Variants in ZNF407 observed in about 807,000 individuals in gnomAD.
The protein encoded by ZNF407 is zinc finger protein 407.
A neutral mutation model predicts 131.2 loss-of-function variants in ZNF407; 17 were observed. That is an observed-to-expected ratio of 0.13 (90% CI 0.09 to 0.19). ZNF407 has a LOEUF of 0.19. Ranked by LOEUF, ZNF407 falls within the 10% of genes least tolerant of loss-of-function variation. The pLI, the probability that ZNF407 is intolerant of heterozygous loss-of-function variation, is 1.00. For missense variants in ZNF407, 2,681 were observed against 2,830.6 expected, an observed-to-expected ratio of 0.95 and a Z score of 1.20; for synonymous variants, 1,156 against 1,062.0, an observed-to-expected ratio of 1.09 and a Z score of -1.72.
chr18:74,857,791 G>T (rs1054038129), intron 4 of ZNF407, among the ~76,000 whole-genome samples: 3 of 151,836 alleles, frequency 2.0e-5, no homozygotes, highest in Non-Finnish European at 4.4e-5. Flanking sequence ...GATTATATTT[G>T]GTTATATTTT....
At chr18:74,709,218 G>A (rs915652211) in intron 3 of ZNF407, among the ~76,000 whole-genome samples, 1 of 152,136 alleles carries the variant, frequency 6.6e-6, no homozygotes, top group Non-Finnish European at 1.5e-5. Flanking sequence ...ATACGTATCA[G>A]TCTTTTAGGT....
chr18:74,851,475 A>G (rs1970782378), intron 4 of ZNF407, among the ~76,000 whole-genome samples: 1 of 152,178 alleles, frequency 6.6e-6, no homozygotes, highest in Non-Finnish European at 1.5e-5. Flanking sequence ...CATTTGAAGT[A>G]TTTTACATTA....
At chr18:74,709,557 A>G (rs949536924) in intron 3 of ZNF407, among the ~76,000 whole-genome samples, 1 of 152,226 alleles carries the variant, frequency 6.6e-6, no homozygotes, top group Admixed American at 6.5e-5. Flanking sequence ...TTTATCCAGC[A>G]TGGCTAGGCA....
At chr18:74,702,954 T>C (rs1457782833) in intron 3 of ZNF407, among the ~76,000 whole-genome samples, 1 of 152,218 alleles carries the variant, frequency 6.6e-6, no homozygotes, top group East Asian at 1.9e-4. Context: ...CTGGAGCCGA[T>C]GAACATGGGC....
chr18:74,839,727 A>G (rs1286617555), intron 4 of ZNF407, among the ~76,000 whole-genome samples: 1 of 152,196 alleles, frequency 6.6e-6, no homozygotes, highest in Non-Finnish European at 1.5e-5. Flanking sequence ...TCAGGTACCC[A>G]TACTGTAGGT....
At chr18:74,716,959 CA>C in intron 3 of ZNF407, among the ~76,000 whole-genome samples, 1 of 152,082 alleles carries the variant, frequency 6.6e-6, no homozygotes, top group East Asian at 1.9e-4. Context: ...ACTGTAATCG[CA>C]AATATGTGTA....
chr18:74,753,593 T>C (rs920237580), intron 3 of ZNF407, among the ~76,000 whole-genome samples: 1 of 152,240 alleles, frequency 6.6e-6, no homozygotes, highest in South Asian at 2.1e-4. Flanking sequence ...CAAAGGACTT[T>C]TCTGCATCTA....
intron 8 of ZNF407, among the ~76,000 whole-genome samples, chr18:74,932,954 A>C (rs1289531044): frequency 6.6e-6 from 1 of 152,198 alleles, no homozygotes; most frequent in African/African-American, 2.4e-5. Context: ...GCGAATGTAC[A>C]ATAGTGCAGC....
intron 3 of ZNF407, among the ~76,000 whole-genome samples, chr18:74,673,289 A>G (rs1986224310): frequency 6.6e-6 from 1 of 152,156 alleles, no homozygotes; most frequent in Non-Finnish European, 1.5e-5. Flanking sequence ...CACGATTTTA[A>G]CACCAGTAGG....
intron 8 of ZNF407, among the ~76,000 whole-genome samples, chr18:75,045,748 G>A (rs911247755): frequency 6.6e-6 from 1 of 152,126 alleles, no homozygotes; most frequent in Admixed American, 6.5e-5. Context: ...TGAGAGTCTT[G>A]AGTAACGCTG....
chr18:74,785,051 G>T, intron 4 of ZNF407, among the ~76,000 whole-genome samples: 1 of 152,152 alleles, frequency 6.6e-6, no homozygotes, highest in Non-Finnish European at 1.5e-5. Flanking sequence ...ATCTCAAGAA[G>T]GCTGATAAAC....
At chr18:74,910,601 T>C (rs1281413040) in intron 7 of ZNF407, among the ~76,000 whole-genome samples, 1 of 152,188 alleles carries the variant, frequency 6.6e-6, no homozygotes, top group African/African-American at 2.4e-5. Flanking sequence ...CTTTAACTTA[T>C]CACGGAAGAA....
intron 1 of ZNF407, among the ~76,000 whole-genome samples, chr18:74,608,091 T>C (rs902476213): frequency 2.6e-5 from 4 of 152,220 alleles, no homozygotes; most frequent in African/African-American, 9.6e-5. Context: ...GAAATAATTT[T>C]AGAAAAAAGA....
rs1376145452 is a variant in ZNF407 at position 74,634,558 on chromosome 18, C to T, written c.3539C>T (p.Pro1180Leu). 6.2e-7 allele frequency: 1 copy of T among 1,613,796 alleles called. No individual in the cohort carries two copies. Among genetic ancestry groups the T allele is most frequent in the African/African-American group, 1.3e-5 (1 of 75,026 alleles). ...QAPVKDKVRKPEEMMSLTMSS... is the reference protein window; with the variant it reads ...QAPVKDKVRKLEEMMSLTMSS... The stretch of plus-strand genomic sequence containing the variant: ...CCTGTCAAGGATAAAGTTAGGAAAC[C>T]TGAGGAGATGATGTCACTTACTATG... The change falls in exon 2 of 9, where the codon CCT becomes CTT. Residue 1180 changes from proline (P) to leucine (L), a missense_variant. Pro to Leu is a moderately conservative substitution (Grantham distance 98). Transcript: ENST00000299687.
intron 1 of ZNF407, among the ~76,000 whole-genome samples, chr18:74,626,372 A>G (rs535891250): frequency 6.6e-6 from 1 of 152,206 alleles, no homozygotes. Context: ...TATTTACACA[A>G]AAGAATGAAA....
chr18:75,011,691 A>ATGTCTTATTC (rs1568300192), intron 8 of ZNF407, among the ~76,000 whole-genome samples: 1 of 152,176 alleles, frequency 6.6e-6, no homozygotes, highest in African/African-American at 2.4e-5. Flanking sequence ...CAGTATTCTT[A>ATGTCTTATTC]TCATGTCAAA....
At chr18:74,676,336 C>T (rs1309627451) in intron 3 of ZNF407, among the ~76,000 whole-genome samples, 2 of 152,156 alleles carry the variant, frequency 1.3e-5, no homozygotes, top group African/African-American at 4.8e-5. Context: ...AGGCAATCCG[C>T]CTGCCTTCTC....
rs185700920 is a variant in ZNF407, at chr18:75,026,174, C to T, written c.5429-36976C>T. On this transcript the variant is annotated intron_variant, in intron 8 of 8. Coordinates refer to ENST00000299687, the MANE Select transcript of ZNF407 (RefSeq NM_017757.3). The stretch of plus-strand genomic sequence containing the variant: ...GAACTTTTTAATATATTGTAATATA[C>T]GACAGATGCCCAAAAATGTTTACCT... 4.7e-4 allele frequency among the ~76,000 whole-genome samples: 72 copies of T among 152,278 alleles called. No individual in the cohort carries two copies. In the East Asian group the frequency reaches 6.4e-3, roughly 13 times the overall value.
At chr18:74,599,339 T>G (rs1165327262) in intron 1 of ZNF407, among the ~76,000 whole-genome samples, 1 of 152,124 alleles carries the variant, frequency 6.6e-6, no homozygotes, top group African/African-American at 2.4e-5. Flanking sequence ...TCGGAATAAA[T>G]TAAGATTTAC....
Sources: allele counts gnomAD v4.1 joint callset (sites outside exome capture counted in the v4.1 genomes callset), GRCh38; gene constraint gnomAD v4.1.1; transcripts MANE v1.5; gene names NCBI Gene and HGNC (gene_info 2026-07-23, HGNC 2026-07-21).